Variants in TNN observed in about 807,000 individuals in gnomAD.
TNN encodes the protein tenascin-N.
Under a neutral mutation model 134.4 loss-of-function variants are expected in TNN, and 122 were observed. The observed-to-expected ratio is 0.91, with a 90% CI of 0.78 to 1.06. The LOEUF (loss-of-function observed/expected upper bound fraction) is 1.06, where lower values mean the gene tolerates loss of function less well. Ranked by LOEUF, TNN falls within the 50% of genes least tolerant of loss-of-function variation. The pLI is 0.00. For synonymous variants in TNN, 710 were observed against 670.3 expected (o/e 1.06, Z -0.91); for missense variants, 1,739 against 1,699.4 (o/e 1.02, Z -0.41).
chr1:175,073,034 G>A (rs1312121565), intron 1 of TNN, among the ~76,000 whole-genome samples: 1 of 148,576 alleles, frequency 6.7e-6, no homozygotes, highest in Non-Finnish European at 1.5e-5. Flanking sequence ...TGGAAAGCAC[G>A]GGCAGAGAAG....
rs370883738 is a variant in TNN at position 175,071,805 on chromosome 1, G to A, written c.-36+3870G>A. 2.4e-3 allele frequency among the ~76,000 whole-genome samples: 369 copies of A among 152,294 alleles called. 2 individuals carry two copies. Among genetic ancestry groups the A allele is most frequent in the African/African-American group, 8.6e-3 (357 of 41,546 alleles). On this transcript the variant is annotated intron_variant, in intron 1 of 18. Coordinates refer to ENST00000239462, the MANE Select transcript of TNN (RefSeq NM_022093.2). ...ACTCCCAGGACTTTGAGGATTAAATGAGGATAATTTTTATAGCGTTTGGCA... is the reference window on the plus strand; with the variant it reads ...ACTCCCAGGACTTTGAGGATTAAATAAGGATAATTTTTATAGCGTTTGGCA...
At chr1:175,140,003 A>G (rs1347908695) in intron 17 of TNN, among the ~76,000 whole-genome samples, 1 of 152,280 alleles carries the variant, frequency 6.6e-6, no homozygotes, top group East Asian at 1.9e-4. Context: ...ATGGACATTC[A>G]TATGATTATG....
chr1:175,125,703 C>CCTTCTTTCTT (rs1453246536), intron 12 of TNN, among the ~76,000 whole-genome samples: 3 of 66,390 alleles, frequency 4.5e-5, no homozygotes, highest in African/African-American at 1.7e-4. Flanking sequence ...TCTTTTTTCT[C>CCTTCTTTCTT]TCTTTCTTTC....
intron 2 of TNN, among the ~76,000 whole-genome samples, chr1:175,078,978 C>T (rs1674121486): frequency 6.6e-6 from 1 of 152,060 alleles, no homozygotes; most frequent in Non-Finnish European, 1.5e-5. Context: ...TAAGGCCCCT[C>T]CATAGGAAGG....
rs569662228 is a variant in TNN at position 175,105,686 on chromosome 1, G to A, written c.2119+7091G>A. Among the ~76,000 whole-genome samples the A allele has an allele frequency of 1.2e-3, 170 of 145,852 alleles. 27 individuals carry two copies. The South Asian group carries it at 0.024, about 20-fold the overall frequency. On this transcript the variant is annotated intron_variant, in intron 9 of 18. Transcript: ENST00000239462. Reference sequence around the variant, plus strand: ...AGAAAGAGAATATTGGGGCCAAGCCGTAGTGCAGGAAAAAATGAGCCTCCT... The same window carrying A: ...AGAAAGAGAATATTGGGGCCAAGCCATAGTGCAGGAAAAAATGAGCCTCCT...
chr1:175,091,325 C>A (rs1170541643), intron 6 of TNN, among the ~76,000 whole-genome samples: 1 of 152,194 alleles, frequency 6.6e-6, no homozygotes, highest in East Asian at 1.9e-4. Flanking sequence ...AGTCACATCT[C>A]CTCTCTTAAA....
intron 15 of TNN, among the ~76,000 whole-genome samples, chr1:175,131,512 C>T (rs1346260199): frequency 4.6e-5 from 7 of 152,106 alleles, no homozygotes; most frequent in Non-Finnish European, 1.0e-4. Context: ...AGGGTGTTTT[C>T]ATCTCATAGA....
intron 11 of TNN, among the ~76,000 whole-genome samples, chr1:175,119,926 C>T (rs887050775): frequency 2.0e-5 from 3 of 152,226 alleles, no homozygotes; most frequent in Non-Finnish European, 2.9e-5. Flanking sequence ...GCATGAGCCA[C>T]TGCGCCTGGG....
At position 175,083,836 on chromosome 1, in the gene TNN, G is replaced by A. The variant is rs773598340; in HGVS notation, c.1135G>A (p.Asp379Asn). 5.5e-5 allele frequency: 88 copies of A among 1,614,094 alleles called. No homozygotes were observed. Among genetic ancestry groups the A allele is most frequent in the Non-Finnish European group, 7.5e-5 (88 of 1,180,038 alleles). The change falls in exon 5 of 19, where the codon GAC becomes AAC. Residue 379 changes from aspartate (D) to asparagine (N), a missense_variant. Transcript: ENST00000239462. Reference protein sequence around the residue: ...VEWENPSTEVDYYKLRYGPMT... With the variant: ...VEWENPSTEVNYYKLRYGPMT... ...GTGGGAAAACCCCTCAACTGAGGTG[G>A]ACTACTACAAGCTGCGATATGGCCC...
chr1:175,142,613 T>C (rs974911282), intron 17 of TNN, among the ~76,000 whole-genome samples: 1 of 143,850 alleles, frequency 7.0e-6, no homozygotes, highest in Non-Finnish European at 1.6e-5. Flanking sequence ...TTTGCATTTC[T>C]TTTTTCTTTT....
At chr1:175,069,072 G>A (rs1673860930) in intron 1 of TNN, among the ~76,000 whole-genome samples, 1 of 152,106 alleles carries the variant, frequency 6.6e-6, no homozygotes. Flanking sequence ...TGAAACCTGT[G>A]TTGCTTATAT....
intron 12 of TNN, among the ~76,000 whole-genome samples, chr1:175,125,667 C>A (rs1044675355): frequency 2.5e-5 from 2 of 78,938 alleles, no homozygotes; most frequent in Non-Finnish European, 5.7e-5. Context: ...CCTTCCTTCT[C>A]TCCCTCCCTC....
chr1:175,129,848 C>A (rs1482171702), intron 15 of TNN, among the ~76,000 whole-genome samples: 1 of 152,166 alleles, frequency 6.6e-6, no homozygotes, highest in Admixed American at 6.5e-5. Context: ...AGTCCATTGT[C>A]CAAGTTCTGT....
chr1:175,115,174 G>A (rs558714910), intron 9 of TNN, among the ~76,000 whole-genome samples: 4 of 152,204 alleles, frequency 2.6e-5, no homozygotes, highest in South Asian at 2.1e-4. Flanking sequence ...GCCCTAGGAC[G>A]TGCAGCTGCT....
intron 12 of TNN, among the ~76,000 whole-genome samples, chr1:175,125,586 CCTCTTTCTTT>C (rs968096756): frequency 6.1e-5 from 9 of 148,686 alleles, no homozygotes; most frequent in South Asian, 4.4e-4. Flanking sequence ...TCTCTCTCTC[CCTCTTTCTTT>C]CTCTTTCTTT....
chr1:175,087,905 C>T (rs1177626789), intron 6 of TNN, among the ~76,000 whole-genome samples: 1 of 152,170 alleles, frequency 6.6e-6, no homozygotes, highest in Non-Finnish European at 1.5e-5. Context: ...CGCAGGGAAA[C>T]ACTTTACTTA....
rs140149976 is a variant in TNN, at chr1:175,097,535, C to T, written c.1707C>T (p.Asp569=). 3.1e-5 allele frequency: 50 copies of T among 1,614,026 alleles called. No individual in the cohort carries two copies. Among genetic ancestry groups the T allele is most frequent in the Admixed American group, 1.7e-4 (10 of 60,006 alleles). ...DKYVVRYTSA[D]DQETREVLVG... is the part of the protein sequence containing the mutation. Reference sequence around the variant, plus strand: ...ACGTGGTGCGCTACACCTCTGCTGACGACCAAGAGACCAGAGAGGTTCTGG... The same window carrying T: ...ACGTGGTGCGCTACACCTCTGCTGATGACCAAGAGACCAGAGAGGTTCTGG... Residue 569 remains aspartate (D), a synonymous_variant, in exon 8 of 19, where the codon GAC becomes GAT. Coordinates refer to ENST00000239462, the MANE Select transcript of TNN (RefSeq NM_022093.2).
In TNN at chr1:175,105,322, TC is replaced by T. The variant is rs550669594; in HGVS notation, c.2119+6732del. On this transcript the variant is annotated intron_variant, in intron 9 of 18. Coordinates refer to ENST00000239462, the MANE Select transcript of TNN (RefSeq NM_022093.2). ...GCACCCGGGTTGGGCCAAATTCCCC[TC>T]CCCCTACAGCTTGAAGGGGACATAA... Among the ~76,000 whole-genome samples the T allele has an allele frequency of 5.5e-5, 8 of 145,334 alleles. 2 individuals are homozygous for T. In the South Asian group the frequency reaches 1.9e-3, roughly 34 times the overall value.
intron 11 of TNN, 40 bp downstream of exon 11, chr1:175,118,864 T>G (rs200442985): frequency 1.9e-6 from 3 of 1,609,634 alleles, no homozygotes; most frequent in Non-Finnish European, 2.5e-6. Context: ...GGGTAGTAGC[T>G]GCAGGTTGAT....
Sources: gnomAD v4.1 joint callset for allele counts (sites outside exome capture counted in the v4.1 genomes callset) on GRCh38, gnomAD v4.1.1 for gene constraint, MANE v1.5 for transcripts, NCBI Gene and HGNC (gene_info 2026-07-23, HGNC 2026-07-21) for gene names.